Variants in OSBPL3 observed in about 807,000 individuals in gnomAD.
OSBPL3 encodes the protein oxysterol binding protein like 3.
Under a neutral mutation model 120.1 loss-of-function variants are expected in OSBPL3, and 65 were observed. The observed-to-expected ratio is 0.54, with a 90% CI of 0.44 to 0.67. The LOEUF (loss-of-function observed/expected upper bound fraction) is 0.67. Among genes scored for constraint, OSBPL3 ranks in the 30% least tolerant of loss-of-function variants. OSBPL3 has a pLI of 0.00. For missense variants in OSBPL3, 1,004 were observed against 1,082.1 expected (o/e 0.93, Z 1.01); for synonymous variants, 416 against 402.6 (o/e 1.03, Z -0.40).
rs749201071 is a variant in OSBPL3 at position 24,834,191 on chromosome 7, G to A, written c.1746+295C>T. 27 of 1,108,904 alleles carry A rather than the reference G, an allele frequency of 2.4e-5. No homozygotes were observed. Among genetic ancestry groups the A allele is most frequent in the South Asian group, 8.0e-5 (2 of 25,156 alleles). The allele number at this position is 1,108,904 out of a possible 1,614,324, so 68.7% of individuals were successfully genotyped here. A position where few individuals can be genotyped will look rare whatever the true frequency, so the allele number is the denominator to read the frequency against. On this transcript the variant is annotated intron_variant, in intron 15 of 22. Transcript: ENST00000313367. This position sits in a 1 kb window ranked among gnomAD's most constrained non-coding sequence, Gnocchi z 5.2. ...GACATGTTTTCCAGCCGGGCACATC[G>A]GAACAATCAGCCAGAAGGCTTCTGG... is the stretch of plus-strand genomic sequence containing the variant.
intron 12 of OSBPL3, among the ~76,000 whole-genome samples, 181 bp from the exon 13 acceptor site, chr7:24,842,594 A>G (rs897928908): frequency 2.0e-5 from 3 of 152,210 alleles, no homozygotes; most frequent in Non-Finnish European, 4.4e-5. Flanking sequence ...TTCTCCCCCA[A>G]TATGGGCACC....
chr7:24,843,216 C>G (rs1176864763), intron 12 of OSBPL3, among the ~76,000 whole-genome samples: 1 of 152,096 alleles, frequency 6.6e-6, no homozygotes. Context: ...AGAACGCATC[C>G]AACGCACATC....
In OSBPL3 at chr7:24,797,212, T is replaced by C. The variant is rs1791810183; in HGVS notation, c.*2971A>G. ...TCATGATAAATCTGGAAGATGCAGA[T>C]GGAAGACAGTGCTTGAAGCCCAAAC... On this transcript the variant is annotated 3_prime_UTR_variant, in exon 23 of 23. Transcript: ENST00000313367. The surrounding 1 kb of genome is among the most constrained non-coding windows in gnomAD (Gnocchi z 4.8). 6.6e-6 allele frequency: 1 copy of C among 152,236 alleles called. No homozygotes were observed. Among genetic ancestry groups the C allele is most frequent in the East Asian group, 1.9e-4 (1 of 5,198 alleles). The allele number at this position is 152,236 out of a possible 1,614,324, so 9.4% of individuals were successfully genotyped here.
At chr7:24,978,337 T>C (rs1817812206) in intron 1 of OSBPL3, among the ~76,000 whole-genome samples, 1 of 152,264 alleles carries the variant, frequency 6.6e-6, no homozygotes, top group Non-Finnish European at 1.5e-5. Flanking sequence ...ATTCTATAAA[T>C]GTTTACTGCA....
chr7:24,831,425 C>A lies in OSBPL3; in HGVS notation c.1747-520G>T, dbSNP rs1796349701. On this transcript the variant is annotated intron_variant, in intron 15 of 22. Transcript: ENST00000313367. This position sits in a 1 kb window ranked among gnomAD's most constrained non-coding sequence, Gnocchi z 4.0. ...AAAATCTGTGAGTCATTTCCTAAGC[C>A]TGGGAAACAAGCCACAGGATATAGT... is the stretch of plus-strand genomic sequence containing the variant. Among the ~76,000 whole-genome samples the A allele has an allele frequency of 6.6e-6, 1 of 152,024 alleles. No individual in the cohort carries two copies. The highest frequency in any genetic ancestry group is 1.5e-5 in the Non-Finnish European group (1 of 68,016).
In OSBPL3 at chr7:24,830,863, A is replaced by C; in HGVS notation, c.1789T>G (p.Tyr597Asp). The C allele has an allele frequency of 6.2e-7, 1 of 1,614,024 alleles. No homozygotes were observed. Among genetic ancestry groups the C allele is most frequent in the Non-Finnish European group, 8.5e-7 (1 of 1,179,950 alleles). Residue 597 changes from tyrosine (Y) to aspartate (D), a missense_variant, in exon 16 of 23, where the codon TAC becomes GAC. Physicochemically the swap from Tyr to Asp is radical, Grantham distance 160. Coordinates refer to ENST00000313367, the MANE Select transcript of OSBPL3 (RefSeq NM_015550.4). The surrounding 1 kb of genome is among the most constrained non-coding windows in gnomAD (Gnocchi z 4.4). ...AFAISAYASSYYRAGSKPFNP... is the reference protein window; with the variant it reads ...AFAISAYASSDYRAGSKPFNP... ...AATGGCTTGCTTCCAGCTCGGTAGT[A>C]GCTAGATGCATACGCTGATATGGCA...
rs70942889 is a variant in OSBPL3, at chr7:24,854,502, G to GCACA, written c.1028-1872_1028-1869dup. On this transcript the variant is annotated intron_variant, in intron 10 of 22. Transcript: ENST00000313367. This position sits in a 1 kb window ranked among gnomAD's most constrained non-coding sequence, Gnocchi z 4.1. ...CACAACAATTTGTACACACACACAC[G>GCACA]CACACACACACACACACACACACAC... Among the ~76,000 whole-genome samples the GCACA allele has an allele frequency of 8.8e-3, 1,154 of 131,570 alleles. 12 individuals are homozygous for GCACA. The highest frequency in any genetic ancestry group is 0.011 in the Non-Finnish European group (665 of 58,124). 86.3% of individuals were successfully genotyped at this position (131,570 alleles called of 152,430 possible). A position where few individuals can be genotyped will look rare whatever the true frequency, so the allele number is the denominator to read the frequency against.
chr7:24,841,804 G>A (rs1202649762), intron 13 of OSBPL3, among the ~76,000 whole-genome samples: 1 of 150,902 alleles, frequency 6.6e-6, no homozygotes, highest in Non-Finnish European at 1.5e-5. Context: ...TCAGGAGTAC[G>A]AGTTTGAGAC....
Position 24,979,950 on chromosome 7 carries a change from A to C in OSBPL3, c.-214T>G, listed in dbSNP as rs375831802. The C allele has an allele frequency of 5.4e-5, 53 of 980,128 alleles. 1 individual carries two copies. The East Asian group carries it at 4.9e-3, about 90-fold the overall frequency. 60.7% of individuals were successfully genotyped at this position (980,128 alleles called of 1,614,324 possible). A position where few individuals can be genotyped will look rare whatever the true frequency, so the allele number is the denominator to read the frequency against. The stretch of plus-strand genomic sequence containing the variant: ...GGGCCGGGCTCCGGGGTTAGCGCAC[A>C]GAACCGGGAGAAGGCAACCCCGGCT... On this transcript the variant is annotated 5_prime_UTR_variant, in exon 1 of 23. Transcript: ENST00000313367.
intron 1 of OSBPL3, among the ~76,000 whole-genome samples, chr7:24,915,659 T>C (rs1199840847): frequency 1.3e-5 from 2 of 151,952 alleles, no homozygotes; most frequent in Non-Finnish European, 2.9e-5. Context: ...CTGCAGCCTC[T>C]GCCTCCTGGG....
intron 1 of OSBPL3, among the ~76,000 whole-genome samples, chr7:24,909,699 T>G (rs1240453719): frequency 6.6e-6 from 1 of 151,740 alleles, no homozygotes; most frequent in Non-Finnish European, 1.5e-5. Flanking sequence ...GCCAGCTTCC[T>G]GTGCCAGAAA....
intron 18 of OSBPL3, 99 bp downstream of exon 18, chr7:24,816,511 C>A (rs545392862): frequency 1.3e-6 from 1 of 763,714 alleles, no homozygotes; most frequent in East Asian, 2.5e-5. Flanking sequence ...AATACACACT[C>A]AATGCAACTG....
chr7:24,839,789 G>A (rs1446814064), intron 14 of OSBPL3, among the ~76,000 whole-genome samples: 1 of 151,866 alleles, frequency 6.6e-6, no homozygotes, highest in Non-Finnish European at 1.5e-5. Flanking sequence ...AGGAGTTCAA[G>A]ACCAGCCTGG....
At position 24,852,080 on chromosome 7, in the gene OSBPL3, T is replaced by A. The variant is rs190245449; in HGVS notation, c.1158+424A>T. 1.3e-5 allele frequency among the ~76,000 whole-genome samples: 2 copies of A among 152,258 alleles called. No individual in the cohort carries two copies. Among genetic ancestry groups the A allele is most frequent in the East Asian group, 3.9e-4 (2 of 5,186 alleles). The stretch of plus-strand genomic sequence containing the variant: ...CTTTGCAATAGGGAAGATAAGAGCA[T>A]GAATTGGAAATTTCACTCTGCCACC... On this transcript the variant is annotated intron_variant, in intron 11 of 22. Transcript: ENST00000313367. This position sits in a 1 kb window ranked among gnomAD's most constrained non-coding sequence, Gnocchi z 4.1.
intron 1 of OSBPL3, among the ~76,000 whole-genome samples, chr7:24,963,714 C>T (rs1170772605): frequency 6.6e-6 from 1 of 152,182 alleles, no homozygotes; most frequent in African/African-American, 2.4e-5. Flanking sequence ...GAGGCGTAAC[C>T]TTAGATAAAC....
In OSBPL3 at chr7:24,851,746, A is replaced by C. The variant is rs960029593; in HGVS notation, c.1158+758T>G. ...ATAGATTCAGGGTAAAAAAAAAAAAACGAGATAACTTTATTCAAATAGAGG... is the reference window on the plus strand; with the variant it reads ...ATAGATTCAGGGTAAAAAAAAAAAACCGAGATAACTTTATTCAAATAGAGG... On this transcript the variant is annotated intron_variant, in intron 11 of 22. Transcript: ENST00000313367. The surrounding 1 kb of genome is among the most constrained non-coding windows in gnomAD (Gnocchi z 4.1). 6.6e-6 allele frequency among the ~76,000 whole-genome samples: 1 copy of C among 152,084 alleles called. No individual in the cohort carries two copies. Among genetic ancestry groups the C allele is most frequent in the Non-Finnish European group, 1.5e-5 (1 of 67,984 alleles).
rs542530318 is a variant in OSBPL3, at chr7:24,979,904, G to C, written c.-168C>G. 1 of 968,682 alleles carries C rather than the reference G, an allele frequency of 1.0e-6. No homozygotes were observed. The highest frequency in any genetic ancestry group is 1.2e-6 in the Non-Finnish European group (1 of 821,372). The allele number at this position is 968,682 out of a possible 1,614,324, so 60.0% of individuals were successfully genotyped here. On this transcript the variant is annotated 5_prime_UTR_variant, in exon 1 of 23. Transcript: ENST00000313367. ...CACTCACCTGAGCGCTGTGCAGCCGGAGACGCTCCCTAGTTCCCCGGGGCC... is the reference window on the plus strand; with the variant it reads ...CACTCACCTGAGCGCTGTGCAGCCGCAGACGCTCCCTAGTTCCCCGGGGCC...
intron 1 of OSBPL3, among the ~76,000 whole-genome samples, chr7:24,911,510 T>C (rs1287655563): frequency 6.6e-6 from 1 of 152,210 alleles, no homozygotes; most frequent in South Asian, 2.1e-4. Context: ...AAGTGCTAAC[T>C]GAACACTCTC....
intron 12 of OSBPL3, among the ~76,000 whole-genome samples, chr7:24,844,685 A>G (rs927510434): frequency 2.0e-5 from 3 of 152,114 alleles, no homozygotes; most frequent in Non-Finnish European, 4.4e-5. Context: ...ATTAAACTGT[A>G]TTCTGAAAAT....
Sources: allele counts gnomAD v4.1 joint callset (sites outside exome capture counted in the v4.1 genomes callset), GRCh38; gene constraint gnomAD v4.1.1; non-coding constraint Gnocchi (gnomAD v3.1); transcripts MANE v1.5; gene names NCBI Gene and HGNC (gene_info 2026-07-23, HGNC 2026-07-21).